The following IL31RA variants were observed in gnomAD, a reference collection of about 807,000 sequenced individuals.
IL31RA encodes the protein interleukin 31 receptor A.
A neutral mutation model predicts 83.7 loss-of-function variants in IL31RA; 66 were observed. The observed-to-expected ratio is 0.79, with a 90% confidence interval of 0.65 to 0.97. The LOEUF is 0.97. Ranked by LOEUF, IL31RA falls within the 50% of genes least tolerant of loss-of-function variation. The pLI is 0.00. For missense variants in IL31RA, 798 were observed against 919.4 expected, an observed-to-expected ratio of 0.87 and a Z score of 1.71; for synonymous variants, 325 against 329.0, an observed-to-expected ratio of 0.99 and a Z score of 0.13.
At chr5:55,860,087 G>GGTCT (rs1745583292) in intron 2 of IL31RA, among the ~76,000 whole-genome samples, 1 of 152,204 alleles carries the variant, frequency 6.6e-6, no homozygotes, top group Non-Finnish European at 1.5e-5. Context: ...AGTTAGGTGA[G>GGTCT]GTCTGGCACA....
chr5:55,889,830 TAATAAA>T (rs1321202544), intron 5 of IL31RA, 134 bp from the exon 6 acceptor site: 2 of 771,746 alleles, frequency 2.6e-6, no homozygotes, highest in Non-Finnish European at 4.5e-6. Context: ...GGAAGTCTGT[TAATAAA>T]AATGATATAT....
chr5:55,894,731 C>A (rs1315452260), intron 6 of IL31RA, among the ~76,000 whole-genome samples: 2 of 152,092 alleles, frequency 1.3e-5, no homozygotes, highest in African/African-American at 4.8e-5. Flanking sequence ...AAAAACAATT[C>A]TTTTGAGACA....
Position 55,917,103 on chromosome 5 carries a change from A to G in IL31RA, c.2278A>G (p.Thr760Ala), listed in dbSNP as rs1221062428. 3 of 1,614,066 alleles carry G rather than the reference A, an allele frequency of 1.9e-6. No individual in the cohort carries two copies. The highest frequency in any genetic ancestry group is 1.7e-5 in the Admixed American group (1 of 60,008). The stretch of plus-strand genomic sequence containing the variant: ...TGTGTCTGAAAAACTTCCAGAGCAC[A>G]CCAAGGGAGAAGTCTAAATGCGACC... The part of the protein sequence containing the change: ...FLVSEKLPEH[T>A]KGEV The change falls in exon 15 of 15, where the codon ACC (threonine) becomes GCC (alanine). Residue 760 changes from threonine to alanine, a missense_variant. Transcript: ENST00000652347.
chr5:55,884,730 A>G (rs1244175534), intron 5 of IL31RA, among the ~76,000 whole-genome samples: 1 of 152,176 alleles, frequency 6.6e-6, no homozygotes, highest in Non-Finnish European at 1.5e-5. Context: ...CACATTATTG[A>G]CTTTTAATCA....
the IL31RA span, chr5:55,840,155 T>G: frequency 3.7e-6 from 1 of 271,722 alleles, no homozygotes; most frequent in East Asian, 8.3e-5. Flanking sequence ...TTATGGCTGT[T>G]GCATCTGTGT....
rs147516906 is a variant in IL31RA at position 55,908,395 on chromosome 5, A to G, written c.1485A>G (p.Glu495=). ...ICNYTIFYQA[E]GGKGFSKTVN... is the part of the protein sequence containing the mutation. ...ACTACACCATCTTTTACCAAGCTGA[A>G]GGTGGAAAAGGATTCTGTAAGCACG... is the stretch of plus-strand genomic sequence containing the variant. Residue 495 remains glutamate, a synonymous_variant, in exon 11 of 15, where the codon GAA becomes GAG. Transcript: ENST00000652347. The G allele has an allele frequency of 6.8e-5, 110 of 1,614,188 alleles. No homozygotes were observed. In the African/African-American group the frequency reaches 1.2e-3, roughly 18 times the overall value.
At chr5:55,856,065 T>G (rs1446980280) in intron 1 of IL31RA, among the ~76,000 whole-genome samples, 1 of 152,158 alleles carries the variant, frequency 6.6e-6, no homozygotes, top group African/African-American at 2.4e-5. Context: ...CCCAGCTAAT[T>G]TTTGTATTTT....
At position 55,917,318 on chromosome 5, in the gene IL31RA, G is replaced by T; in HGVS notation, c.*198G>T. 6.8e-7 allele frequency: 1 copy of T among 1,460,138 alleles called. No individual in the cohort carries two copies. Among genetic ancestry groups the T allele is most frequent in the East Asian group, 2.5e-5 (1 of 39,932 alleles). 90.4% of individuals were successfully genotyped at this position (1,460,138 alleles called of 1,614,324 possible). On this transcript the variant is annotated 3_prime_UTR_variant, in exon 15 of 15. Transcript: ENST00000652347. ...TACTGGGAAGAAGGGATGGTGATAA[G>T]CCCGAGTTTTGTAAAGGAACAGCAG...
chr5:55,859,108 T>C (rs1364913943), intron 1 of IL31RA, among the ~76,000 whole-genome samples: 1 of 152,154 alleles, frequency 6.6e-6, no homozygotes, highest in Non-Finnish European at 1.5e-5. Flanking sequence ...TGGGCATGCA[T>C]AGAGCATGGA....
chr5:55,859,993 A>T (rs1052781449), intron 2 of IL31RA, among the ~76,000 whole-genome samples: 9 of 152,196 alleles, frequency 5.9e-5, no homozygotes, highest in African/African-American at 1.9e-4. Context: ...ACCTATGATG[A>T]AGTTTAGGTA....
At position 55,918,025 on chromosome 5, in the gene IL31RA, C is replaced by G. The variant is rs1749889317; in HGVS notation, c.*905C>G. 6.6e-6 allele frequency among the ~76,000 whole-genome samples: 1 copy of G among 152,232 alleles called. No homozygotes were observed. Among genetic ancestry groups the G allele is most frequent in the African/African-American group, 2.4e-5 (1 of 41,456 alleles). On this transcript the variant is annotated 3_prime_UTR_variant, in exon 15 of 15. Coordinates refer to ENST00000652347, the MANE Select transcript of IL31RA (RefSeq NM_139017.7). ...GGGCCTGGGAACATGCAATGCCTAG[C>G]AAATTTGCAGCCCCAACAGGAGGAC... is the stretch of plus-strand genomic sequence containing the variant.
chr5:55,856,242 C>T (rs1745357035), intron 1 of IL31RA, among the ~76,000 whole-genome samples: 1 of 152,186 alleles, frequency 6.6e-6, no homozygotes, highest in Non-Finnish European at 1.5e-5. Flanking sequence ...AGTGGCATCA[C>T]TGTATATTCT....
chr5:55,869,060 G>C (rs1002735789), intron 3 of IL31RA, 152 bp downstream of exon 3: 1 of 716,576 alleles, frequency 1.4e-6, no homozygotes, highest in Non-Finnish European at 2.5e-6. Context: ...TTGTGGACGG[G>C]ATCTGGAGCT....
At chr5:55,888,447 A>G (rs1747776726) in intron 5 of IL31RA, among the ~76,000 whole-genome samples, 2 of 152,204 alleles carry the variant, frequency 1.3e-5, no homozygotes, top group Admixed American at 1.3e-4. Flanking sequence ...AATGTACGTG[A>G]TGAGAACCAC....
chr5:55,885,381 T>C (rs978329892), intron 5 of IL31RA, among the ~76,000 whole-genome samples: 1 of 152,132 alleles, frequency 6.6e-6, no homozygotes, highest in Admixed American at 6.6e-5. Flanking sequence ...GAGGAATTTA[T>C]TGGGCGAAAA....
At position 55,851,583 on chromosome 5, in the gene IL31RA, C is replaced by A. The variant is rs746773751; in HGVS notation, c.13C>A (p.Gln5Lys). The change falls in exon 1 of 15, where the codon CAA (glutamine) becomes AAA (lysine). Residue 5 changes from glutamine to lysine, a missense_variant. Physicochemically the swap from Gln to Lys is moderately conservative, Grantham distance 53. Transcript: ENST00000652347. MCIR[Q>K]LKFFTTACVC... Reference sequence around the variant, plus strand: ...ACCTCAGCTGGGAATGTGCATCAGGCAACTCAAGTTTTTCACCACGGCATG... The same window carrying A: ...ACCTCAGCTGGGAATGTGCATCAGGAAACTCAAGTTTTTCACCACGGCATG... 2 of 1,613,834 alleles carry A rather than the reference C, an allele frequency of 1.2e-6. No homozygotes were observed. The highest frequency in any genetic ancestry group is 2.7e-5 in the African/African-American group (2 of 74,888).
intron 8 of IL31RA, among the ~76,000 whole-genome samples, chr5:55,901,633 G>T (rs1338334862): frequency 2.0e-5 from 3 of 148,332 alleles, no homozygotes; most frequent in African/African-American, 7.5e-5. Flanking sequence ...ATTAATTTTT[G>T]AGATGGAGTT....
At chr5:55,889,634 C>T (rs1367382643) in intron 5 of IL31RA, among the ~76,000 whole-genome samples, 1 of 152,186 alleles carries the variant, frequency 6.6e-6, no homozygotes, top group Non-Finnish European at 1.5e-5. Flanking sequence ...CTCCTAGGCC[C>T]AGGTTGCCCT....
At chr5:55,857,271 T>C (rs1310364020) in intron 1 of IL31RA, among the ~76,000 whole-genome samples, 1 of 152,018 alleles carries the variant, frequency 6.6e-6, no homozygotes, top group African/African-American at 2.4e-5. Flanking sequence ...GCTGATTTTA[T>C]TGTGTGTTTT....
Sources: allele counts gnomAD v4.1 joint callset (sites outside exome capture counted in the v4.1 genomes callset), GRCh38; gene constraint gnomAD v4.1.1; transcripts MANE v1.5; gene names NCBI Gene and HGNC (gene_info 2026-07-23, HGNC 2026-07-21).